AFG2A: variants seen among roughly 807,000 people sequenced by gnomAD.
AFG2A encodes the protein AAA ATPase AFG2A.
At chr4:123,170,353 T>C in the AFG2A span, among the ~76,000 whole-genome samples, 1 of 152,190 alleles carries the variant, frequency 6.6e-6, no homozygotes, top group Non-Finnish European at 1.5e-5. Context: ...CACAAATAAA[T>C]TAATCAGTGT....
the AFG2A span, among the ~76,000 whole-genome samples, chr4:122,950,243 A>G: frequency 1.3e-5 from 2 of 152,118 alleles, no homozygotes; most frequent in Non-Finnish European, 2.9e-5. Context: ...CCACTGCTGT[A>G]GGGTTGTACG....
the AFG2A span, among the ~76,000 whole-genome samples, chr4:123,018,777 G>A: frequency 6.6e-6 from 1 of 151,542 alleles, no homozygotes; most frequent in African/African-American, 2.4e-5. Context: ...GGGATTACTG[G>A]CATGCACCAC....
At chr4:123,179,713 G>A in the AFG2A span, among the ~76,000 whole-genome samples, 1 of 152,044 alleles carries the variant, frequency 6.6e-6, no homozygotes, top group Non-Finnish European at 1.5e-5. Context: ...TCATATCAGC[G>A]ATAGAACTTG....
the AFG2A span, among the ~76,000 whole-genome samples, chr4:122,939,852 AT>A: frequency 6.6e-6 from 1 of 152,070 alleles, no homozygotes; most frequent in Non-Finnish European, 1.5e-5. Flanking sequence ...TCATTGTTCA[AT>A]TCCCATCTAT....
At chr4:123,281,420 T>A in the AFG2A span, among the ~76,000 whole-genome samples, 1 of 152,118 alleles carries the variant, frequency 6.6e-6, no homozygotes, top group African/African-American at 2.4e-5. Context: ...GAGATGAACA[T>A]CCTAATCCAG....
At chr4:122,949,348 T>G in the AFG2A span, among the ~76,000 whole-genome samples, 267 of 152,246 alleles carry the variant, frequency 1.8e-3, no homozygotes, top group Middle Eastern at 3.4e-3. Flanking sequence ...TCTCACGTTG[T>G]TGGTGGTGGG....
chr4:123,216,075 G>A, the AFG2A span, among the ~76,000 whole-genome samples: 1 of 152,014 alleles, frequency 6.6e-6, no homozygotes, highest in Admixed American at 6.6e-5. Flanking sequence ...TCTAAAATTG[G>A]TAATTAAGTA....
At chr4:123,124,198 T>C in the AFG2A span, among the ~76,000 whole-genome samples, 2 of 152,138 alleles carry the variant, frequency 1.3e-5, no homozygotes, top group Admixed American at 6.5e-5. Flanking sequence ...CGTATGTTTA[T>C]TGCAGCACTG....
the AFG2A span, among the ~76,000 whole-genome samples, chr4:123,269,910 G>A: frequency 1.3e-4 from 19 of 142,596 alleles, no homozygotes; most frequent in Middle Eastern, 3.4e-3. Flanking sequence ...TCTGCCTCCC[G>A]GGTTCAAGCG....
At chr4:123,065,502 A>G in the AFG2A span, among the ~76,000 whole-genome samples, 22,032 of 152,186 alleles carry the variant, frequency 0.14, 2,029 homozygotes, top group East Asian at 0.45. Flanking sequence ...TTCTTCTTAC[A>G]GTAATTTTTG....
the AFG2A span, among the ~76,000 whole-genome samples, chr4:123,134,640 A>G: frequency 6.8e-6 from 1 of 147,990 alleles, no homozygotes; most frequent in Non-Finnish European, 1.5e-5. Context: ...ACTACTATGA[A>G]CAATTATATG....
At chr4:122,950,778 A>G in the AFG2A span, among the ~76,000 whole-genome samples, 2 of 152,298 alleles carry the variant, frequency 1.3e-5, no homozygotes, top group South Asian at 2.1e-4. Context: ...CAGCCATCCA[A>G]TAGGGGCAAA....
the AFG2A span, among the ~76,000 whole-genome samples, chr4:123,185,202 T>G: frequency 2.1e-5 from 1 of 47,162 alleles, no homozygotes; most frequent in Non-Finnish European, 1.3e-4. Flanking sequence ...TTAACCTTTA[T>G]TTAGCTACTG....
At chr4:123,014,562 A>G in the AFG2A span, among the ~76,000 whole-genome samples, 25 of 152,342 alleles carry the variant, frequency 1.6e-4, no homozygotes, top group African/African-American at 6.0e-4. Context: ...CTTCATGCAT[A>G]GCCAGATCTG....
At chr4:123,255,755 C>T in the AFG2A span, among the ~76,000 whole-genome samples, 2 of 132,364 alleles carry the variant, frequency 1.5e-5, no homozygotes, top group Non-Finnish European at 3.2e-5. Context: ...ACAGAGACCT[C>T]CTGCTCCACC....
At chr4:122,991,453 C>T in the AFG2A span, among the ~76,000 whole-genome samples, 1 of 152,224 alleles carries the variant, frequency 6.6e-6, no homozygotes. Flanking sequence ...AATTACCAGA[C>T]ATGTGACATC....
the AFG2A span, among the ~76,000 whole-genome samples, chr4:122,962,181 C>T: frequency 5.3e-5 from 8 of 152,328 alleles, no homozygotes; most frequent in South Asian, 4.1e-4. Context: ...AATGCTTGCT[C>T]GCCTGCTGCC....
chr4:123,075,976 C>A, the AFG2A span, among the ~76,000 whole-genome samples: 19 of 135,118 alleles, frequency 1.4e-4, no homozygotes, highest in East Asian at 4.8e-4. Flanking sequence ...ACAACAACAA[C>A]AAAAAAAAAA....
chr4:123,024,536 A>G, the AFG2A span, among the ~76,000 whole-genome samples: 1 of 152,226 alleles, frequency 6.6e-6, no homozygotes, highest in Non-Finnish European at 1.5e-5. Context: ...TGAATCAATC[A>G]TGATGGTCCC....
Sources: gnomAD v4.1 joint callset for allele counts (sites outside exome capture counted in the v4.1 genomes callset) on GRCh38, gnomAD v4.1.1 for gene constraint, MANE v1.5 for transcripts, NCBI Gene and HGNC (gene_info 2026-07-23, HGNC 2026-07-21) for gene names.